The following GRIP1 variants were observed in gnomAD, a reference collection of about 807,000 sequenced individuals.
GRIP1 encodes the protein glutamate receptor interacting protein 1, also known as glutamate receptor-interacting protein 1.
In GRIP1, 45 loss-of-function variants were observed where a neutral mutation model predicts 129.9. That is an observed-to-expected ratio of 0.35 (90% CI 0.27 to 0.44). The LOEUF is 0.44. GRIP1 is among the 20% of genes least tolerant of loss of function. The pLI is 1.00. For missense variants in GRIP1, 1,196 were observed against 1,396.8 expected, an observed-to-expected ratio of 0.86 and a Z score of 2.29; for synonymous variants, 530 against 520.8, an observed-to-expected ratio of 1.02 and a Z score of -0.24.
At chr12:66,597,396 A>G (rs1447263114) in intron 1 of GRIP1, among the ~76,000 whole-genome samples, 3 of 152,214 alleles carry the variant, frequency 2.0e-5, no homozygotes, top group Non-Finnish European at 4.4e-5. Context: ...CAGATGACAG[A>G]GAGTTAGTAT....
intron 1 of GRIP1, among the ~76,000 whole-genome samples, chr12:66,813,690 A>T (rs1254367257): frequency 6.6e-6 from 1 of 152,164 alleles, no homozygotes; most frequent in Non-Finnish European, 1.5e-5. Context: ...GACAATACTG[A>T]GTTGGCATTG....
chr12:67,058,185 T>G (rs2043470380), intron 1 of GRIP1, among the ~76,000 whole-genome samples: 1 of 152,262 alleles, frequency 6.6e-6, no homozygotes, highest in Non-Finnish European at 1.5e-5. Flanking sequence ...ATCACATTAC[T>G]GTGTTATTCT....
chr12:66,583,059 A>C (rs1434026048), intron 2 of GRIP1, among the ~76,000 whole-genome samples: 2 of 151,378 alleles, frequency 1.3e-5, no homozygotes, highest in Non-Finnish European at 3.0e-5. Flanking sequence ...CAAAACAGAG[A>C]TATAGATCAA....
intron 1 of GRIP1, among the ~76,000 whole-genome samples, chr12:67,033,271 G>GTA (rs3051221): frequency 0.042 from 5,942 of 142,906 alleles, 291 homozygotes; most frequent in African/African-American, 0.12. Context: ...AAGACTACAT[G>GTA]TATATATATA....
At chr12:66,372,588 A>T (rs2055570951) in intron 22 of GRIP1, among the ~76,000 whole-genome samples, 1 of 152,170 alleles carries the variant, frequency 6.6e-6, no homozygotes, top group East Asian at 1.9e-4. Context: ...AGTAAAAATA[A>T]TCATTTATTA....
intron 1 of GRIP1, among the ~76,000 whole-genome samples, chr12:66,971,579 T>C (rs1006890482): frequency 6.6e-6 from 1 of 152,140 alleles, no homozygotes. Context: ...AAGACAGCTA[T>C]AGTCCCTGCC....
chr12:66,640,531 A>G (rs541001220), intron 1 of GRIP1, among the ~76,000 whole-genome samples: 1 of 152,324 alleles, frequency 6.6e-6, no homozygotes, highest in African/African-American at 2.4e-5. Flanking sequence ...GTTGATTTTG[A>G]GAGTGATGAG....
chr12:66,498,519 C>A (rs59269378), intron 7 of GRIP1, among the ~76,000 whole-genome samples: 1,837 of 152,208 alleles, frequency 0.012, 39 homozygotes, highest in East Asian at 0.1. Flanking sequence ...CCTCTGATTT[C>A]TCAAATAGGG....
At chr12:66,793,408 C>T (rs754968063) in intron 1 of GRIP1, among the ~76,000 whole-genome samples, 1 of 152,044 alleles carries the variant, frequency 6.6e-6, no homozygotes, top group Admixed American at 6.6e-5. Context: ...TCCAAGTATG[C>T]TGTGAATTAC....
intron 1 of GRIP1, among the ~76,000 whole-genome samples, chr12:66,598,031 CGTT>C (rs2064123601): frequency 6.6e-6 from 1 of 151,994 alleles, no homozygotes; most frequent in Non-Finnish European, 1.5e-5. Flanking sequence ...TAAGATGTAT[CGTT>C]GTTGTTACCA....
chr12:66,744,561 T>G (rs1239821257), intron 1 of GRIP1, among the ~76,000 whole-genome samples: 2 of 152,142 alleles, frequency 1.3e-5, no homozygotes, highest in African/African-American at 4.8e-5. Context: ...TAGTTCCTGA[T>G]TGTGAAGCAA....
In GRIP1 at chr12:66,749,282, G is replaced by A. The variant is rs1294934729; in HGVS notation, c.-420+54771C>T. Reference sequence around the variant, plus strand: ...ACTGGGCATAAAGGAAATGTTGAATGGATGACACCACTTATTGATCCACCT... The same window carrying A: ...ACTGGGCATAAAGGAAATGTTGAATAGATGACACCACTTATTGATCCACCT... On this transcript the variant is annotated intron_variant, in intron 1 of 4. Transcript: ENST00000538373. Among the ~76,000 whole-genome samples, 5 of 152,298 alleles carry A rather than the reference G, an allele frequency of 3.3e-5. No homozygotes were observed. In the East Asian group the frequency reaches 9.7e-4, roughly 29 times the overall value.
At chr12:66,847,077 G>T (rs563053078) in intron 1 of GRIP1, among the ~76,000 whole-genome samples, 1 of 152,180 alleles carries the variant, frequency 6.6e-6, no homozygotes, top group East Asian at 1.9e-4. Flanking sequence ...GCTCCATAAG[G>T]GGAAACCACT....
intron 1 of GRIP1, among the ~76,000 whole-genome samples, chr12:66,865,450 G>A (rs1208653459): frequency 6.6e-6 from 1 of 150,828 alleles, no homozygotes; most frequent in Non-Finnish European, 1.5e-5. Context: ...TATCTAAATA[G>A]AGCTAGCAGA....
chr12:66,717,053 T>C (rs1413905656), intron 1 of GRIP1, among the ~76,000 whole-genome samples: 1 of 152,072 alleles, frequency 6.6e-6, no homozygotes, highest in Non-Finnish European at 1.5e-5. Context: ...CCAAAAACCC[T>C]AGGCAGGAGT....
At chr12:66,403,370 A>C (rs2057078020) in intron 16 of GRIP1, among the ~76,000 whole-genome samples, 1 of 152,148 alleles carries the variant, frequency 6.6e-6, no homozygotes, top group African/African-American at 2.4e-5. Flanking sequence ...GCCTTTAAAT[A>C]ATCTGTGGTC....
chr12:66,937,386 G>C (rs374519783), intron 1 of GRIP1, among the ~76,000 whole-genome samples: 44 of 152,360 alleles, frequency 2.9e-4, no homozygotes, highest in East Asian at 2.7e-3. Flanking sequence ...GCAAGGGTCT[G>C]TGTTGTGTGT....
At chr12:66,416,918 A>G (rs752810476) in intron 15 of GRIP1, among the ~76,000 whole-genome samples, 2 of 151,944 alleles carry the variant, frequency 1.3e-5, no homozygotes, top group African/African-American at 2.4e-5. Flanking sequence ...GGCCAGTATT[A>G]CCATGATAAC....
At chr12:66,947,838 G>C (rs1816460867) in intron 1 of GRIP1, among the ~76,000 whole-genome samples, 1 of 152,212 alleles carries the variant, frequency 6.6e-6, no homozygotes, top group South Asian at 2.1e-4. Context: ...ACCACAGATA[G>C]TGACAGGCTC....
Sources: gnomAD v4.1 joint callset for allele counts (sites outside exome capture counted in the v4.1 genomes callset) on GRCh38, gnomAD v4.1.1 for gene constraint, MANE v1.5 for transcripts, NCBI Gene and HGNC (gene_info 2026-07-23, HGNC 2026-07-21) for gene names.